The following LHFPL6 variants were observed in gnomAD, a reference collection of about 807,000 sequenced individuals.
LHFPL6 encodes the protein LHFPL tetraspan subfamily member 6 protein.
In LHFPL6, 9 loss-of-function variants were observed where a neutral mutation model predicts 20.6. That is an observed-to-expected ratio of 0.44 (90% CI 0.26 to 0.76). The LOEUF (loss-of-function observed/expected upper bound fraction) is 0.76, where lower values mean the gene tolerates loss of function less well. LHFPL6 is among the 30% of genes least tolerant of loss of function. LHFPL6 has a pLI of 0.20. For missense variants in LHFPL6, 218 were observed against 253.5 expected (o/e 0.86, Z 0.95); for synonymous variants, 105 against 98.7 (o/e 1.06, Z -0.38).
intron 2 of LHFPL6, among the ~76,000 whole-genome samples, chr13:39,535,844 T>TA (rs150608152): frequency 0.04 from 6,105 of 152,270 alleles, 195 homozygotes; most frequent in East Asian, 0.11. Flanking sequence ...TTATAGTGAA[T>TA]AAACAATCAA....
intron 3 of LHFPL6, among the ~76,000 whole-genome samples, chr13:39,349,796 T>C (rs1319397831): frequency 6.6e-6 from 1 of 152,078 alleles, no homozygotes; most frequent in Non-Finnish European, 1.5e-5. Flanking sequence ...AGCGTGAATG[T>C]GGGGGGCCAG....
At chr13:39,592,835 C>T (rs1423749825) in intron 2 of LHFPL6, among the ~76,000 whole-genome samples, 15 of 152,120 alleles carry the variant, frequency 9.9e-5, no homozygotes, top group Non-Finnish European at 1.5e-4. Flanking sequence ...AATCAATAAA[C>T]GTAATCCAGC....
At chr13:39,470,205 A>G (rs1593325246) in intron 2 of LHFPL6, among the ~76,000 whole-genome samples, 1 of 152,208 alleles carries the variant, frequency 6.6e-6, no homozygotes, top group East Asian at 1.9e-4. Context: ...ACTCTTCTTC[A>G]ATATTTCTTC....
chr13:39,397,007 A>G (rs1870859526), intron 2 of LHFPL6, among the ~76,000 whole-genome samples: 1 of 152,164 alleles, frequency 6.6e-6, no homozygotes, highest in African/African-American at 2.4e-5. Flanking sequence ...TAGCCTCAGA[A>G]CTGAGAGAGA....
intron 3 of LHFPL6, among the ~76,000 whole-genome samples, chr13:39,371,185 G>A (rs1870158953): frequency 6.6e-6 from 1 of 152,192 alleles, no homozygotes. Flanking sequence ...TTCAAGAACA[G>A]GAACCATGAT....
chr13:39,414,725 A>G (rs1249451802), intron 2 of LHFPL6, among the ~76,000 whole-genome samples: 1 of 152,212 alleles, frequency 6.6e-6, no homozygotes, highest in Non-Finnish European at 1.5e-5. Flanking sequence ...AGAAGGCATG[A>G]TAACACCAAT....
At chr13:39,403,602 C>A (rs1435239126) in intron 2 of LHFPL6, among the ~76,000 whole-genome samples, 1 of 152,218 alleles carries the variant, frequency 6.6e-6, no homozygotes, top group Non-Finnish European at 1.5e-5. Context: ...GCAGCGACTA[C>A]AAGCCCTTTT....
intron 2 of LHFPL6, among the ~76,000 whole-genome samples, chr13:39,510,227 C>T (rs1290298338): frequency 4.0e-5 from 6 of 148,716 alleles, no homozygotes; most frequent in Non-Finnish European, 8.9e-5. Flanking sequence ...GCAGCACCAC[C>T]CACTGAAGGT....
At chr13:39,592,603 T>C (rs1872644156) in intron 2 of LHFPL6, among the ~76,000 whole-genome samples, 2 of 152,048 alleles carry the variant, frequency 1.3e-5, no homozygotes, top group Admixed American at 1.3e-4. Context: ...AAAGAGGGAA[T>C]CCTCCCTAAC....
intron 2 of LHFPL6, among the ~76,000 whole-genome samples, chr13:39,532,823 A>G (rs1870506191): frequency 6.6e-6 from 1 of 152,296 alleles, no homozygotes; most frequent in East Asian, 1.9e-4. Flanking sequence ...ATTGGACCAC[A>G]TTGCATGCTG....
chr13:39,538,282 G>A (rs979264109), intron 2 of LHFPL6, among the ~76,000 whole-genome samples: 2 of 151,254 alleles, frequency 1.3e-5, no homozygotes, highest in African/African-American at 2.4e-5. Flanking sequence ...GAGCCACCAC[G>A]CCCAGCCCAT....
chr13:39,371,229 G>T (rs1870159975), intron 3 of LHFPL6, among the ~76,000 whole-genome samples: 2 of 152,246 alleles, frequency 1.3e-5, no homozygotes, highest in Non-Finnish European at 2.9e-5. Flanking sequence ...CAAAATGAAA[G>T]CAATAATTAC....
chr13:39,478,171 A>G (rs749276154), intron 2 of LHFPL6, among the ~76,000 whole-genome samples: 4 of 152,162 alleles, frequency 2.6e-5, no homozygotes, highest in Non-Finnish European at 4.4e-5. Context: ...ATTTTCTAAG[A>G]AGTGAGGATC....
chr13:39,395,495 C>T (rs1870818544), intron 2 of LHFPL6, among the ~76,000 whole-genome samples: 1 of 152,160 alleles, frequency 6.6e-6, no homozygotes, highest in Admixed American at 6.5e-5. Context: ...TTCTCCTTGC[C>T]AGGGAGATCA....
rs33943302 is a variant in LHFPL6, at chr13:39,489,551, C to CTTT, written c.386-111028_386-111026dup. 7.1e-4 allele frequency among the ~76,000 whole-genome samples: 106 copies of CTTT among 148,582 alleles called. 1 individual carries two copies. Among genetic ancestry groups the CTTT allele is most frequent in the Middle Eastern group, 3.4e-3 (1 of 290 alleles). On this transcript the variant is annotated intron_variant, in intron 2 of 3. Coordinates refer to ENST00000379589, the MANE Select transcript of LHFPL6 (RefSeq NM_005780.3). ...AAAGGAATGGAGAAGTATGCTGTGG[C>CTTT]TTTTTTTTTGGAGGGGAGCGGGGGA...
At chr13:39,511,152 C>T (rs1471608705) in intron 2 of LHFPL6, among the ~76,000 whole-genome samples, 7 of 152,132 alleles carry the variant, frequency 4.6e-5, no homozygotes, top group Admixed American at 6.5e-5. Context: ...AGATTACAGG[C>T]GTGAGCCACC....
intron 2 of LHFPL6, among the ~76,000 whole-genome samples, chr13:39,399,785 G>A (rs531543709): frequency 6.6e-6 from 1 of 152,164 alleles, no homozygotes; most frequent in East Asian, 1.9e-4. Flanking sequence ...TGACTGCCAG[G>A]GTTAAATAAG....
At chr13:39,405,508 C>T (rs1185800) in intron 2 of LHFPL6, among the ~76,000 whole-genome samples, 135,504 of 152,266 alleles carry the variant, frequency 0.89, 60,355 homozygotes, top group Admixed American at 0.92. Context: ...AAATATTTAC[C>T]CTCTTCCCAT....
chr13:39,405,189 G>A (rs1871088754), intron 2 of LHFPL6, among the ~76,000 whole-genome samples: 1 of 151,122 alleles, frequency 6.6e-6, no homozygotes, highest in South Asian at 2.1e-4. Flanking sequence ...ACTGAGCATG[G>A]ACGGTCTAAT....
Sources: allele counts gnomAD v4.1 joint callset (sites outside exome capture counted in the v4.1 genomes callset), GRCh38; gene constraint gnomAD v4.1.1; transcripts MANE v1.5; gene names NCBI Gene and HGNC (gene_info 2026-07-23, HGNC 2026-07-21).